The following MAMDC4 variants were observed in gnomAD, a reference collection of about 807,000 sequenced individuals.
MAMDC4 encodes apical endosomal glycoprotein.
A neutral mutation model predicts 153.3 loss-of-function variants in MAMDC4; 168 were observed. The ratio of observed to expected loss-of-function variants is 1.10; its 90% confidence interval spans 0.97 to 1.25. MAMDC4 has a LOEUF of 1.25. Among genes scored for constraint, MAMDC4 ranks in the 50% most tolerant of loss-of-function variants. MAMDC4 has a pLI of 0.00. For synonymous variants in MAMDC4, 744 were observed against 651.5 expected (o/e 1.14, Z -2.16); for missense variants, 1,701 against 1,542.8 (o/e 1.10, Z -1.72).
intron 13 of MAMDC4, 59 bp downstream of exon 13, chr9:136,855,907 G>C: frequency 6.7e-7 from 1 of 1,494,684 alleles, no homozygotes; most frequent in Non-Finnish European, 8.9e-7. Flanking sequence ...GTCCTCAGAG[G>C]GGTCTCTGCT....
rs780090520 is a variant in MAMDC4 at position 136,855,460 on chromosome 9, G to C, written c.1312G>C (p.Gly438Arg). 2.5e-6 allele frequency: 4 copies of C among 1,608,160 alleles called. No individual in the cohort carries two copies. The highest frequency in any genetic ancestry group is 3.4e-6 in the Non-Finnish European group (4 of 1,178,044). ...EVSTLQPLPPGPRAPAPQPLP... is the reference protein window; with the variant it reads ...EVSTLQPLPPRPRAPAPQPLP... ...GTCCACCCTGCAGCCGCTGCCTCCT[G>C]GGCCCCGGGCCCCAGCCCCCCAGCC... The change falls in exon 12 of 27, where the codon GGG (glycine) becomes CGG (arginine). Residue 438 changes from glycine (G) to arginine (R), a missense_variant. Coordinates refer to ENST00000317446, the MANE Select transcript of MAMDC4 (RefSeq NM_206920.3).
rs1034887610 is a variant in MAMDC4 at position 136,859,434 on chromosome 9, C to T, written c.3193+117C>T. 6 of 941,632 alleles carry T rather than the reference C, an allele frequency of 6.4e-6. No individual in the cohort carries two copies. In the African/African-American group the frequency reaches 8.3e-5, roughly 13 times the overall value. 58.3% of individuals were successfully genotyped at this position (941,632 alleles called of 1,614,324 possible). On this transcript the variant is annotated intron_variant, in intron 25 of 26. Coordinates refer to ENST00000317446, the MANE Select transcript of MAMDC4 (RefSeq NM_206920.3). Reference sequence around the variant, plus strand: ...GAGCTGCGAGCATGCTGCACCCAGACAGGACAAGAGAGCTGCCAGGCCCAG... The same window carrying T: ...GAGCTGCGAGCATGCTGCACCCAGATAGGACAAGAGAGCTGCCAGGCCCAG...
At position 136,859,239 on chromosome 9, in the gene MAMDC4, C is replaced by G. The variant is rs1300148298; in HGVS notation, c.3115C>G (p.Pro1039Ala). ...GTTTGAAGCCACTCTGGGCGGCCAG[C>G]CAGCCCTGGGGCCCATTGCCCTGGA... Reference protein sequence around the residue: ...IVFEATLGGQPALGPIALDDV... With the variant: ...IVFEATLGGQAALGPIALDDV... Residue 1039 changes from proline to alanine, a missense_variant, in exon 25 of 27, where the codon CCA becomes GCA. Pro to Ala is a conservative substitution (Grantham distance 27). Transcript: ENST00000317446. 6.2e-7 allele frequency: 1 copy of G among 1,611,908 alleles called. No individual in the cohort carries two copies. The highest frequency in any genetic ancestry group is 8.5e-7 in the Non-Finnish European group (1 of 1,179,372).
At chr9:136,859,623 G>C (rs1849057681) in intron 25 of MAMDC4, 2 of 593,498 alleles carry the variant, frequency 3.4e-6, no homozygotes, top group South Asian at 4.1e-5. Context: ...CCGCCAGCCG[G>C]GTCAGGGCAG....
intron 24 of MAMDC4, 23 bp downstream of exon 24, chr9:136,859,155 A>AGCC: frequency 2.5e-6 from 4 of 1,584,820 alleles, no homozygotes; most frequent in Non-Finnish European, 3.4e-6. Flanking sequence ...GTGGGCAAGG[A>AGCC]GCCTCCTCCT....
intron 25 of MAMDC4, 142 bp downstream of exon 25, chr9:136,859,459 G>A (rs1216166472): frequency 1.3e-6 from 1 of 780,638 alleles, no homozygotes; most frequent in Non-Finnish European, 2.0e-6. Flanking sequence ...GCCAGGCCCA[G>A]GCCCTGTGCC....
intron 21 of MAMDC4, 36 bp from the exon 22 acceptor site, chr9:136,858,364 G>A (rs371847323): frequency 8.4e-5 from 135 of 1,600,192 alleles, no homozygotes; most frequent in Non-Finnish European, 1.1e-4. Context: ...GGCTTGGGCC[G>A]TGGGGCAGCA....
Position 136,859,300 on chromosome 9 carries a change from A to G in MAMDC4, c.3176A>G (p.Gln1059Arg). 1 of 1,611,302 alleles carries G rather than the reference A, an allele frequency of 6.2e-7. No homozygotes were observed. Among genetic ancestry groups the G allele is most frequent in the Non-Finnish European group, 8.5e-7 (1 of 1,179,200 alleles). The change falls in exon 25 of 27, where the codon CAG (glutamine) becomes CGG (arginine). Residue 1059 changes from glutamine (Q) to arginine (R), a missense_variant. Transcript: ENST00000317446. ...VEYLAGQHCQQPAPSPGNTAA... is the reference protein window; with the variant it reads ...VEYLAGQHCQRPAPSPGNTAA... ...TATCTGGCTGGGCAGCATTGCCAGC[A>G]GCCTGCCCCCAGCCCGGGTGAGCCC...
At chr9:136,858,298 C>T (rs1026259602) in intron 21 of MAMDC4, 22 bp downstream of exon 21, 56 of 1,600,746 alleles carry the variant, frequency 3.5e-5, no homozygotes, top group Non-Finnish European at 4.2e-5. Context: ...GCCGTGGCCT[C>T]GGCCCTGCTC....
rs1564384918 is a variant in MAMDC4, at chr9:136,853,564, AACCC to A, written c.352_355del (p.His118GlufsTer24). On this transcript the variant is annotated frameshift_variant, in exon 4 of 27. Coordinates refer to ENST00000317446, the MANE Select transcript of MAMDC4 (RefSeq NM_206920.3). LOFTEE classifies it high-confidence loss of function. ...CGCCAGGCTGGTACATGGCCGTTGG[AACCC>A]ACCGAGGGAAAGAGGCATCCACCGC... 2.4e-5 allele frequency: 39 copies of A among 1,612,578 alleles called. No homozygotes were observed. Among genetic ancestry groups the A allele is most frequent in the Non-Finnish European group, 3.3e-5 (39 of 1,179,926 alleles).
rs780403836 is a variant in MAMDC4, at chr9:136,858,452, C to A, written c.2727C>A (p.Pro909=). 6.2e-7 allele frequency: 1 copy of A among 1,607,444 alleles called. No homozygotes were observed. Among genetic ancestry groups the A allele is most frequent in the African/African-American group, 1.3e-5 (1 of 74,930 alleles). Residue 909 remains proline (P), a synonymous_variant, in exon 22 of 27, where the codon CCC becomes CCA. Coordinates refer to ENST00000317446, the MANE Select transcript of MAMDC4 (RefSeq NM_206920.3). Reference sequence around the variant, plus strand: ...GTGGCTGGAGCCACCTGGCCTGGCCCGGCCTGGGCGGATACAGCTGGGACT... The same window carrying A: ...GTGGCTGGAGCCACCTGGCCTGGCCAGGCCTGGGCGGATACAGCTGGGACT... ...GLCGWSHLAW[P]GLGGYSWDWG... is the part of the protein sequence containing the mutation.
Position 136,854,076 on chromosome 9 carries a change from AGTAAGGCACC to A in MAMDC4, c.670+2_670+11del. 6.2e-7 allele frequency: 1 copy of A among 1,612,708 alleles called. No homozygotes were observed. Among genetic ancestry groups the A allele is most frequent in the Non-Finnish European group, 8.5e-7 (1 of 1,179,884 alleles). On this transcript the variant is annotated splice_donor_variant and splice_donor_5th_base_variant and intron_variant, in intron 6 of 26. Coordinates refer to ENST00000317446, the MANE Select transcript of MAMDC4 (RefSeq NM_206920.3). LOFTEE classifies it high-confidence loss of function. ...AGAGTTCTGGGACTGTGGTCTGCCC[AGTAAGGCACC>A]GCCTCTTCCTGTTCCACCCCCGGGA...
At chr9:136,857,331 C>T (rs1267452626) in intron 17 of MAMDC4, 33 bp downstream of exon 17, 1 of 1,607,320 alleles carries the variant, frequency 6.2e-7, no homozygotes, top group Non-Finnish European at 8.5e-7. Context: ...GAGGACAGGG[C>T]AGGGCCCCTG....
intron 1 of MAMDC4, 114 bp downstream of exon 1, chr9:136,852,576 A>C: frequency 1.5e-6 from 2 of 1,348,544 alleles, no homozygotes; most frequent in Non-Finnish European, 2.1e-6. Context: ...AAAGGGAAGG[A>C]GGGTTGCAAG....
chr9:136,859,896 C>G lies in MAMDC4; in HGVS notation c.3204C>G (p.Ala1068=). 3 of 1,611,838 alleles carry G rather than the reference C, an allele frequency of 1.9e-6. No homozygotes were observed. Among genetic ancestry groups the G allele is most frequent in the Non-Finnish European group, 2.5e-6 (3 of 1,179,938 alleles). The change falls in exon 26 of 27, where the codon GCC becomes GCG. Residue 1068 remains alanine (A), a synonymous_variant. Transcript: ENST00000317446. ...QQPAPSPGNT[A]APGSVPAVVG... is the part of the protein sequence containing the mutation. ...CCCTATGGCCCACAGGGAACACAGC[C>G]GCACCCGGGTCTGTGCCAGCTGTGG...
chr9:136,854,363 G>C (rs553040420), intron 7 of MAMDC4, 27 bp downstream of exon 7: 1 of 1,516,076 alleles, frequency 6.6e-7, no homozygotes, highest in South Asian at 1.3e-5. Flanking sequence ...GGCCCAGAGT[G>C]AGGCTGGGAG....
rs759038168 is a variant in MAMDC4 at position 136,852,377 on chromosome 9, A to T, written c.-40A>T. ...GGCTGATAACCGCACGGAACTTCCC[A>T]GGCACCCTGTGTGGCCGCACTGCTC... On this transcript the variant is annotated 5_prime_UTR_variant, in exon 1 of 27. Transcript: ENST00000317446. The T allele has an allele frequency of 1.2e-6, 2 of 1,605,902 alleles. No individual in the cohort carries two copies. Among genetic ancestry groups the T allele is most frequent in the Admixed American group, 3.3e-5 (2 of 60,020 alleles).
Position 136,859,322 on chromosome 9 carries a change from G to A in MAMDC4, c.3193+5G>A. The A allele has an allele frequency of 6.2e-7, 1 of 1,606,038 alleles. No homozygotes were observed. Among genetic ancestry groups the A allele is most frequent in the Non-Finnish European group, 8.5e-7 (1 of 1,176,668 alleles). On this transcript the variant is annotated splice_donor_5th_base_variant and intron_variant, in intron 25 of 26. Coordinates refer to ENST00000317446, the MANE Select transcript of MAMDC4 (RefSeq NM_206920.3). ...AGCAGCCTGCCCCCAGCCCGGGTGA[G>A]CCCTGGGCTGCAGTGGAGGCACGGA...
chr9:136,857,465 C>T lies in MAMDC4; in HGVS notation c.2205C>T (p.Ser735=), dbSNP rs775833109. 1.9e-6 allele frequency: 3 copies of T among 1,608,934 alleles called. No homozygotes were observed. Among genetic ancestry groups the T allele is most frequent in the African/African-American group, 1.3e-5 (1 of 74,946 alleles). Residue 735 remains serine, a synonymous_variant, in exon 18 of 27, where the codon TCC becomes TCT. Transcript: ENST00000317446. ...CCTGCTGGGCCCCTAATTACTGCTC[C>T]TTTGAGGACTCAGACTGCGGCTTCT... ...PGPCWAPNYC[S]FEDSDCGFSP... is the part of the protein sequence containing the mutation.
Sources: gnomAD v4.1 joint callset for allele counts on GRCh38, gnomAD v4.1.1 for gene constraint, MANE v1.5 for transcripts, NCBI Gene and HGNC (gene_info 2026-07-23, HGNC 2026-07-21) for gene names.